CWC22: variants seen among roughly 807,000 people sequenced by gnomAD.
The protein encoded by CWC22 is pre-mRNA-splicing factor CWC22 homolog.
CWC22 carries 53 observed loss-of-function variants against 117.2 expected under a neutral mutation model. The observed-to-expected ratio is 0.45, with a 90% CI of 0.36 to 0.57. The LOEUF (loss-of-function observed/expected upper bound fraction) is 0.57. Among genes scored for constraint, CWC22 ranks in the 20% least tolerant of loss-of-function variants. The pLI, the probability that CWC22 is intolerant of heterozygous loss-of-function variation, is 0.00. For missense variants in CWC22, 980 were observed against 1,068.8 expected (o/e 0.92, Z 1.16); for synonymous variants, 360 against 355.6 (o/e 1.01, Z -0.14).
chr2:179,951,800 G>C (rs1686455746), intron 17 of CWC22, among the ~76,000 whole-genome samples: 1 of 152,128 alleles, frequency 6.6e-6, no homozygotes. Context: ...GAACACTGAA[G>C]AGGCAGGCTG....
intron 4 of CWC22, 130 bp downstream of exon 4, chr2:179,986,565 T>C (rs1385337314): frequency 5.6e-6 from 3 of 537,578 alleles, no homozygotes; most frequent in Non-Finnish European, 9.8e-6. Flanking sequence ...AAGCCCTTAT[T>C]AGAAAGCCTA....
rs752588114 is a variant in CWC22, at chr2:179,965,979, A to G, written c.1214T>C (p.Ile405Thr). The G allele has an allele frequency of 6.2e-7, 1 of 1,609,110 alleles. No individual in the cohort carries two copies. Among genetic ancestry groups the G allele is most frequent in the Non-Finnish European group, 8.5e-7 (1 of 1,177,292 alleles). ...EEKYKAIKKEILDEGDTDSNT... is the reference protein window; with the variant it reads ...EEKYKAIKKETLDEGDTDSNT... Reference sequence around the variant, plus strand: ...CGAGTCAGTATCTCCCTCATCAAGAATTTCTGTAAAGTACAAAGTAAGTTT... The same window carrying G: ...CGAGTCAGTATCTCCCTCATCAAGAGTTTCTGTAAAGTACAAAGTAAGTTT... Residue 405 changes from isoleucine to threonine, a missense_variant, in exon 12 of 20, where the codon ATT becomes ACT. By Grantham distance (89) the Ile-to-Thr change is moderately conservative. Coordinates refer to ENST00000410053, the MANE Select transcript of CWC22 (RefSeq NM_020943.3).
At chr2:179,983,915 G>A (rs1188419869) in intron 4 of CWC22, among the ~76,000 whole-genome samples, 1 of 152,154 alleles carries the variant, frequency 6.6e-6, no homozygotes, top group Non-Finnish European at 1.5e-5. Flanking sequence ...CACCAGGTAA[G>A]AGAGCTAGCT....
chr2:179,962,499 T>C (rs1686778791), intron 13 of CWC22, among the ~76,000 whole-genome samples: 1 of 152,054 alleles, frequency 6.6e-6, no homozygotes, highest in Non-Finnish European at 1.5e-5. Flanking sequence ...CACAATTCTA[T>C]ATAGTTATAT....
chr2:179,999,252 G>A (rs548501048), intron 1 of CWC22, among the ~76,000 whole-genome samples: 17 of 152,240 alleles, frequency 1.1e-4, no homozygotes, highest in African/African-American at 3.6e-4. Context: ...CCTGAAATGA[G>A]AGCAATTTAT....
chr2:179,955,146 G>T, intron 14 of CWC22, 112 bp from the exon 15 acceptor site: 1 of 736,508 alleles, frequency 1.4e-6, no homozygotes, highest in Non-Finnish European at 2.2e-6. Flanking sequence ...GTTTAAAACA[G>T]TTCAAAAATT....
chr2:179,996,778 A>C (rs1687712795), intron 1 of CWC22, among the ~76,000 whole-genome samples: 1 of 152,116 alleles, frequency 6.6e-6, no homozygotes, highest in African/African-American at 2.4e-5. Flanking sequence ...TTTTTGAAAA[A>C]GAAACTAGAG....
intron 6 of CWC22, among the ~76,000 whole-genome samples, chr2:179,974,561 T>C (rs996380441): frequency 1.3e-5 from 2 of 152,190 alleles, no homozygotes; most frequent in African/African-American, 4.8e-5. Flanking sequence ...ACTGAATCAC[T>C]AGAGTGGAAA....
intron 1 of CWC22, among the ~76,000 whole-genome samples, chr2:180,006,295 C>T (rs747857052): frequency 1.2e-4 from 18 of 152,072 alleles, no homozygotes; most frequent in Non-Finnish European, 2.5e-4. Context: ...AAATAGGTAC[C>T]GTGGTTTTTG....
chr2:179,969,898 C>T (rs187704816), intron 11 of CWC22, among the ~76,000 whole-genome samples: 314 of 152,162 alleles, frequency 2.1e-3, no homozygotes, highest in African/African-American at 6.9e-3. Flanking sequence ...TTTTATATAT[C>T]CTTCCATAGA....
rs926527849 is a variant in CWC22, at chr2:179,945,114, T to C, written c.*15A>G. On this transcript the variant is annotated 3_prime_UTR_variant, in exon 20 of 20. Coordinates refer to ENST00000410053, the MANE Select transcript of CWC22 (RefSeq NM_020943.3). ...CTGAATATAAGGCATGTCCAGTTTA[T>C]GTCATTTTGTAGAATTATTTTTGTT... 3 of 1,560,790 alleles carry C rather than the reference T, an allele frequency of 1.9e-6. No homozygotes were observed. Among genetic ancestry groups the C allele is most frequent in the Non-Finnish European group, 2.6e-6 (3 of 1,154,238 alleles).
intron 19 of CWC22, among the ~76,000 whole-genome samples, chr2:179,950,046 C>T (rs759152962): frequency 7.2e-5 from 11 of 152,008 alleles, no homozygotes; most frequent in African/African-American, 1.2e-4. Context: ...TCTGGGGTAC[C>T]GGTATATCTT....
rs377128044 is a variant in CWC22, at chr2:179,945,593, C to G, written c.2263G>C (p.Glu755Gln). ...KERRQEHGHQETRTERERRSE... is the reference protein window; with the variant it reads ...KERRQEHGHQQTRTERERRSE... ...CTTCTTTCTCTCTCAGTCCTTGTTT[C>G]CTGGTGCCCGTGTTCTTGTCTTCTT... Residue 755 changes from glutamate (E) to glutamine (Q), a missense_variant, in exon 20 of 20, where the codon GAA (glutamate) becomes CAA (glutamine). Glu to Gln is a conservative substitution (Grantham distance 29). Transcript: ENST00000410053. 86 of 1,613,612 alleles carry G rather than the reference C, an allele frequency of 5.3e-5. No homozygotes were observed. The highest frequency in any genetic ancestry group is 7.0e-5 in the Non-Finnish European group (83 of 1,179,742).
At chr2:179,971,537 A>G (rs1469916537) in intron 8 of CWC22, among the ~76,000 whole-genome samples, 1 of 152,184 alleles carries the variant, frequency 6.6e-6, no homozygotes, top group Admixed American at 6.5e-5. Flanking sequence ...CAACTCTATT[A>G]GACACAAATA....
intron 1 of CWC22, among the ~76,000 whole-genome samples, chr2:180,000,059 TTGC>T (rs1347083874): frequency 5.9e-5 from 9 of 152,168 alleles, no homozygotes; most frequent in Non-Finnish European, 1.2e-4. Context: ...TAAAACAAGA[TTGC>T]TATGTACTTT....
intron 1 of CWC22, among the ~76,000 whole-genome samples, chr2:180,001,593 G>C (rs1350094826): frequency 1.3e-5 from 2 of 152,176 alleles, no homozygotes; most frequent in African/African-American, 4.8e-5. Context: ...GCCTCCCAAA[G>C]TGCTGGGATT....
At chr2:179,973,124 A>T in intron 8 of CWC22, 69 bp downstream of exon 8, 1 of 873,242 alleles carries the variant, frequency 1.1e-6, no homozygotes, top group Non-Finnish European at 1.8e-6. Flanking sequence ...GAGAGGTATC[A>T]GTGAAGTGGC....
At chr2:179,980,035 T>C (rs926510124) in intron 5 of CWC22, among the ~76,000 whole-genome samples, 12 of 152,318 alleles carry the variant, frequency 7.9e-5, no homozygotes, top group African/African-American at 2.6e-4. Context: ...CTGCTTTAAA[T>C]TGCATGTATT....
At chr2:179,991,221 T>C (rs958373370) in intron 2 of CWC22, among the ~76,000 whole-genome samples, 1 of 152,072 alleles carries the variant, frequency 6.6e-6, no homozygotes, top group Non-Finnish European at 1.5e-5. Flanking sequence ...CATGATCCAC[T>C]AGACTTTAAA....
Sources: gnomAD v4.1 joint callset for allele counts (sites outside exome capture counted in the v4.1 genomes callset) on GRCh38, gnomAD v4.1.1 for gene constraint, MANE v1.5 for transcripts, NCBI Gene and HGNC (gene_info 2026-07-23, HGNC 2026-07-21) for gene names.